Variants in SLC44A5 observed in about 807,000 individuals in gnomAD.
SLC44A5 encodes the protein choline transporter-like protein 5.
Under a neutral mutation model 101.8 loss-of-function variants are expected in SLC44A5, and 57 were observed. That is an observed-to-expected ratio of 0.56 (90% confidence interval 0.45 to 0.70). The LOEUF (loss-of-function observed/expected upper bound fraction) is 0.70. Among genes scored for constraint, SLC44A5 ranks in the 30% least tolerant of loss-of-function variants. SLC44A5 has a pLI of 0.00. For synonymous variants in SLC44A5, 281 were observed against 290.9 expected (o/e 0.97, Z 0.35); for missense variants, 737 against 853.1 (o/e 0.86, Z 1.70).
intron 4 of SLC44A5, among the ~76,000 whole-genome samples, chr1:75,330,682 T>A (rs1056899715): frequency 6.6e-6 from 1 of 152,108 alleles, no homozygotes; most frequent in African/African-American, 2.4e-5. Flanking sequence ...CAGATTCCTC[T>A]CATCCTCCAG....
intron 6 of SLC44A5, among the ~76,000 whole-genome samples, chr1:75,259,066 G>A (rs2100680462): frequency 6.6e-6 from 1 of 152,208 alleles, no homozygotes; most frequent in East Asian, 1.9e-4. Context: ...CCATGAAGAT[G>A]GGGGGAAATC....
the SLC44A5 span, among the ~76,000 whole-genome samples, chr1:75,670,371 ACT>A: frequency 6.6e-6 from 1 of 152,116 alleles, no homozygotes; most frequent in Admixed American, 6.5e-5. Flanking sequence ...GTAAAGAAAG[ACT>A]CTAAAAAATT....
intron 2 of SLC44A5, among the ~76,000 whole-genome samples, chr1:75,532,577 T>G (rs1280814478): frequency 3.3e-5 from 5 of 152,216 alleles, no homozygotes; most frequent in African/African-American, 1.2e-4. Context: ...TTTTCTCCTT[T>G]GCAGTTATTA....
chr1:75,368,379 C>A (rs1263439659), intron 3 of SLC44A5, among the ~76,000 whole-genome samples: 2 of 152,154 alleles, frequency 1.3e-5, no homozygotes, highest in African/African-American at 4.8e-5. Context: ...AAAAAGTCTG[C>A]CCTCTATATC....
At chr1:75,206,551 T>A in intron 23 of SLC44A5, 1 of 1,163,156 alleles carries the variant, frequency 8.6e-7, no homozygotes, top group South Asian at 1.3e-5. Context: ...CAAATTACAA[T>A]CAACCTAATT....
At chr1:75,248,996 A>G (rs1649345549) in intron 7 of SLC44A5, among the ~76,000 whole-genome samples, 1 of 152,118 alleles carries the variant, frequency 6.6e-6, no homozygotes, top group Non-Finnish European at 1.5e-5. Flanking sequence ...GGTCCCAGTA[A>G]GGTAAAAGAA....
chr1:75,542,296 T>A (rs1050166961), intron 1 of SLC44A5, among the ~76,000 whole-genome samples: 2 of 152,138 alleles, frequency 1.3e-5, no homozygotes, highest in African/African-American at 4.8e-5. Flanking sequence ...GTTGCCTAGA[T>A]CTTCTATGTA....
intron 5 of SLC44A5, among the ~76,000 whole-genome samples, chr1:75,291,769 T>A (rs1461920923): frequency 6.6e-6 from 1 of 151,998 alleles, no homozygotes; most frequent in African/African-American, 2.4e-5. Flanking sequence ...CCCAGCACTT[T>A]GGGAGGCCAA....
chr1:75,678,613 C>T, the SLC44A5 span, among the ~76,000 whole-genome samples: 1 of 149,988 alleles, frequency 6.7e-6, no homozygotes, highest in Non-Finnish European at 1.5e-5. Flanking sequence ...CCCATCTGTA[C>T]ATCACCATCA....
At chr1:75,504,132 C>T (rs1228305589) in intron 2 of SLC44A5, among the ~76,000 whole-genome samples, 1 of 152,008 alleles carries the variant, frequency 6.6e-6, no homozygotes, top group Non-Finnish European at 1.5e-5. Context: ...TCGATACATG[C>T]TTGTGTGTCA....
chr1:75,219,942 C>T, intron 14 of SLC44A5, 50 bp from the exon 15 acceptor site: 1 of 1,268,340 alleles, frequency 7.9e-7, no homozygotes, highest in Non-Finnish European at 1.1e-6. Flanking sequence ...TAGAAATAAG[C>T]TTTAGACTGA....
chr1:75,275,936 G>T (rs2100751101), intron 5 of SLC44A5, among the ~76,000 whole-genome samples: 1 of 152,078 alleles, frequency 6.6e-6, no homozygotes, highest in Middle Eastern at 3.4e-3. Flanking sequence ...CATTTGCCCA[G>T]CTATCTCCCT....
chr1:75,207,550 T>C (rs1374480983), intron 23 of SLC44A5, among the ~76,000 whole-genome samples: 2 of 152,146 alleles, frequency 1.3e-5, no homozygotes, highest in Admixed American at 1.3e-4. Flanking sequence ...ATAGTAGCTA[T>C]AGTCTTGGGA....
chr1:75,537,070 T>C (rs1317012104), intron 2 of SLC44A5, among the ~76,000 whole-genome samples: 1 of 141,096 alleles, frequency 7.1e-6, no homozygotes, highest in Non-Finnish European at 1.5e-5. Flanking sequence ...AATATGTATA[T>C]AGCTTAAAAA....
At chr1:75,323,014 A>G (rs988734268) in intron 4 of SLC44A5, among the ~76,000 whole-genome samples, 7 of 151,462 alleles carry the variant, frequency 4.6e-5, no homozygotes, top group African/African-American at 7.3e-5. Context: ...ATATGTATAC[A>G]TGTGCCATGC....
intron 2 of SLC44A5, among the ~76,000 whole-genome samples, chr1:75,403,577 C>A (rs1662647103): frequency 6.6e-6 from 1 of 152,154 alleles, no homozygotes; most frequent in African/African-American, 2.4e-5. Context: ...GGACCTCCAG[C>A]AAACTCCAGC....
chr1:75,688,368 CA>C, the SLC44A5 span, among the ~76,000 whole-genome samples: 918 of 152,310 alleles, frequency 6.0e-3, 4 homozygotes, highest in African/African-American at 0.021. Context: ...GCTTCTTCCT[CA>C]TACTTCACAC....
At chr1:75,722,748 T>C in the SLC44A5 span, among the ~76,000 whole-genome samples, 1 of 152,222 alleles carries the variant, frequency 6.6e-6, no homozygotes, top group Non-Finnish European at 1.5e-5. Flanking sequence ...TCTTAAGTTA[T>C]CATTTCTACG....
the SLC44A5 span, chr1:75,641,487 G>A: frequency 2.1e-6 from 3 of 1,441,586 alleles, no homozygotes; most frequent in Non-Finnish European, 2.9e-6. Context: ...GCAGAAGTTG[G>A]GTAATAAATG....
Sources: allele counts gnomAD v4.1 joint callset (sites outside exome capture counted in the v4.1 genomes callset), GRCh38; gene constraint gnomAD v4.1.1; transcripts MANE v1.5; gene names NCBI Gene and HGNC (gene_info 2026-07-23, HGNC 2026-07-21).